NRXN3: variants seen among roughly 807,000 people sequenced by gnomAD.
The protein encoded by NRXN3 is neurexin 3.
In NRXN3, 32 loss-of-function variants were observed where a neutral mutation model predicts 137.6. The observed-to-expected ratio is 0.23, with a 90% CI of 0.18 to 0.31. NRXN3 has a LOEUF of 0.31. Ranked by LOEUF, NRXN3 falls within the 10% of genes least tolerant of loss-of-function variation. The probability of loss-of-function intolerance (pLI) is 1.00; values close to 1 mark genes in which losing one functional copy is unlikely to be tolerated. For synonymous variants in NRXN3, 798 were observed against 784.5 expected (o/e 1.02, Z -0.29); for missense variants, 1,574 against 2,062.5 (o/e 0.76, Z 4.59).
chr14:78,288,178 C>T (rs1011058765), intron 3 of NRXN3, among the ~76,000 whole-genome samples: 1 of 152,128 alleles, frequency 6.6e-6, no homozygotes, highest in Admixed American at 6.5e-5. Flanking sequence ...CAGTGTTTTG[C>T]CATGTTGGCC....
intron 15 of NRXN3, among the ~76,000 whole-genome samples, chr14:79,100,232 T>C (rs2051024267): frequency 6.6e-6 from 1 of 152,212 alleles, no homozygotes. Flanking sequence ...TGACAGTCTG[T>C]ATGTATCTGA....
chr14:78,728,249 T>C (rs776670904), intron 8 of NRXN3, among the ~76,000 whole-genome samples: 11 of 152,230 alleles, frequency 7.2e-5, no homozygotes, highest in South Asian at 2.1e-4. Flanking sequence ...TTTTTTAACA[T>C]GTAATCGTCC....
At chr14:78,192,103 T>A (rs36019376) in intron 1 of NRXN3, among the ~76,000 whole-genome samples, 38,068 of 136,692 alleles carry the variant, frequency 0.28, 4,958 homozygotes, top group Middle Eastern at 0.33. Flanking sequence ...TGTGTGTGTG[T>A]GTGTGAGAGA....
chr14:78,711,702 A>C (rs2098409751), intron 7 of NRXN3, among the ~76,000 whole-genome samples: 1 of 152,056 alleles, frequency 6.6e-6, no homozygotes, highest in Non-Finnish European at 1.5e-5. Flanking sequence ...CGGCCTCCCA[A>C]AGTGCTGGGA....
At chr14:78,744,623 T>C (rs1481408856) in intron 8 of NRXN3, 2 of 152,246 alleles carry the variant, frequency 1.3e-5, no homozygotes, top group Non-Finnish European at 2.9e-5. Flanking sequence ...GTGACTTTTC[T>C]AAAGTCATGT....
intron 16 of NRXN3, among the ~76,000 whole-genome samples, chr14:79,622,128 A>C (rs2098230852): frequency 6.6e-6 from 1 of 152,170 alleles, no homozygotes; most frequent in Admixed American, 6.5e-5. Flanking sequence ...GCAACGTGAA[A>C]GGATTTTGGG....
At chr14:78,649,719 T>C (rs546513227) in intron 5 of NRXN3, among the ~76,000 whole-genome samples, 1 of 152,150 alleles carries the variant, frequency 6.6e-6, no homozygotes, top group Non-Finnish European at 1.5e-5. Flanking sequence ...CTTCCTCTTT[T>C]CTTTTTTTCT....
intron 4 of NRXN3, among the ~76,000 whole-genome samples, chr14:78,502,728 T>C (rs759049542): frequency 3.3e-5 from 5 of 152,198 alleles, no homozygotes; most frequent in Admixed American, 6.5e-5. Context: ...TTGCAAGAAA[T>C]ACCATACAAG....
At chr14:79,804,729 G>T (rs917360621) in intron 19 of NRXN3, among the ~76,000 whole-genome samples, 1 of 152,150 alleles carries the variant, frequency 6.6e-6, no homozygotes, top group East Asian at 1.9e-4. Flanking sequence ...ATGTATGTCT[G>T]TGTTGCTTTG....
intron 8 of NRXN3, among the ~76,000 whole-genome samples, chr14:78,736,802 A>G (rs548774684): frequency 1.3e-5 from 2 of 152,284 alleles, no homozygotes; most frequent in East Asian, 3.9e-4. Context: ...TAAGCAGAAT[A>G]CAGTAAAATA....
At chr14:79,606,082 T>C (rs1162269118) in intron 16 of NRXN3, among the ~76,000 whole-genome samples, 3 of 152,090 alleles carry the variant, frequency 2.0e-5, no homozygotes, top group Admixed American at 6.6e-5. Flanking sequence ...TGTTTGAGGA[T>C]TGGAAAGCCT....
At chr14:79,506,287 G>A (rs1229910264) in intron 16 of NRXN3, among the ~76,000 whole-genome samples, 2 of 152,018 alleles carry the variant, frequency 1.3e-5, no homozygotes, top group Non-Finnish European at 2.9e-5. Flanking sequence ...AAAAAATCTG[G>A]GTATTCCAGA....
At chr14:79,704,784 G>A (rs912453034) in intron 19 of NRXN3, among the ~76,000 whole-genome samples, 7 of 152,062 alleles carry the variant, frequency 4.6e-5, no homozygotes, top group African/African-American at 1.7e-4. Context: ...GAGAGAAATT[G>A]CACTCTAATT....
intron 19 of NRXN3, among the ~76,000 whole-genome samples, chr14:79,766,715 G>C (rs2099057163): frequency 6.6e-6 from 1 of 152,170 alleles, no homozygotes; most frequent in South Asian, 2.1e-4. Flanking sequence ...ATTTGTGCTG[G>C]CGTCAAACAT....
At chr14:79,600,138 G>A (rs949169368) in intron 16 of NRXN3, among the ~76,000 whole-genome samples, 2 of 152,228 alleles carry the variant, frequency 1.3e-5, no homozygotes, top group Non-Finnish European at 2.9e-5. Context: ...GAGGAGCTGA[G>A]GTTTGAAGTT....
chr14:79,761,519 C>G (rs1219752897), intron 19 of NRXN3, among the ~76,000 whole-genome samples: 4 of 151,076 alleles, frequency 2.6e-5, no homozygotes, highest in Non-Finnish European at 4.4e-5. Context: ...CATGGTGAAC[C>G]CAGTATCTAC....
chr14:78,617,421 A>G (rs2097357452), intron 4 of NRXN3, among the ~76,000 whole-genome samples: 1 of 152,188 alleles, frequency 6.6e-6, no homozygotes, highest in African/African-American at 2.4e-5. Context: ...GTTTACAGCC[A>G]GGCTTTCCAT....
chr14:78,297,764 G>A, intron 3 of NRXN3, 67 bp from the exon 4 acceptor site: 4 of 1,211,456 alleles, frequency 3.3e-6, no homozygotes, highest in Admixed American at 2.0e-5. Flanking sequence ...TTTTAACTTT[G>A]TCTTCTTTCT....
At chr14:79,520,655 T>A (rs1035230447) in intron 16 of NRXN3, among the ~76,000 whole-genome samples, 1 of 152,194 alleles carries the variant, frequency 6.6e-6, no homozygotes, top group African/African-American at 2.4e-5. Flanking sequence ...TTCCATGTTG[T>A]ATATGTGCCA....
Sources: gnomAD v4.1 joint callset for allele counts (sites outside exome capture counted in the v4.1 genomes callset) on GRCh38, gnomAD v4.1.1 for gene constraint, MANE v1.5 for transcripts, NCBI Gene and HGNC (gene_info 2026-07-23, HGNC 2026-07-21) for gene names.